Variants in UBP1 observed in about 807,000 individuals in gnomAD.
UBP1 encodes upstream binding protein 1.
Under a neutral mutation model 76.1 loss-of-function variants are expected in UBP1, and 22 were observed. The observed-to-expected ratio is 0.29, with a 90% CI of 0.21 to 0.41. The LOEUF (loss-of-function observed/expected upper bound fraction) is 0.41, where lower values mean the gene tolerates loss of function less well. Among genes scored for constraint, UBP1 ranks in the 10% least tolerant of loss-of-function variants. UBP1 has a pLI of 1.00. For synonymous variants in UBP1, 224 were observed against 237.1 expected, an observed-to-expected ratio of 0.94 and a Z score of 0.51; for missense variants, 436 against 668.1, an observed-to-expected ratio of 0.65 and a Z score of 3.83.
At position 33,400,214 on chromosome 3, in the gene UBP1, G is replaced by A. The variant is rs767570798; in HGVS notation, c.1155C>T (p.Tyr385=). The change falls in exon 11 of 16, where the codon TAC becomes TAT. Residue 385 remains tyrosine (Y), a synonymous_variant. Transcript: ENST00000283629. ...QWLLKNRFSS[Y]TRLFSNFSGA... ...CTGAAAAATTAGAGAACAGTCTTGT[G>A]TAGGAAGAGAATCTGTTTTTGAGCA... The A allele has an allele frequency of 1.2e-6, 2 of 1,602,376 alleles. No homozygotes were observed. Among genetic ancestry groups the A allele is most frequent in the Admixed American group, 1.8e-5 (1 of 57,124 alleles).
intron 2 of UBP1, among the ~76,000 whole-genome samples, chr3:33,422,865 T>C (rs2044935333): frequency 6.6e-6 from 1 of 152,094 alleles, no homozygotes; most frequent in South Asian, 2.1e-4. Flanking sequence ...TAAGGATTCA[T>C]GGAAAATTTT....
intron 14 of UBP1, chr3:33,392,914 C>G (rs927332407): frequency 2.3e-5 from 8 of 355,362 alleles, no homozygotes; most frequent in African/African-American, 1.1e-4. Flanking sequence ...AAGTGCTCTT[C>G]TATTATTACT....
intron 9 of UBP1, 77 bp downstream of exon 9, chr3:33,402,724 T>C (rs1259191909): frequency 1.9e-6 from 2 of 1,054,024 alleles, no homozygotes; most frequent in Non-Finnish European, 2.6e-6. Context: ...AAAAGGCTGC[T>C]GTACATGGAG....
chr3:33,408,901 T>C, intron 7 of UBP1, 104 bp from the exon 8 acceptor site: 1 of 1,076,472 alleles, frequency 9.3e-7, no homozygotes, highest in South Asian at 1.4e-5. Context: ...AATGCATGAC[T>C]AACAGGATTC....
rs1386286447 is a variant in UBP1, at chr3:33,401,074, T to C, written c.1032-58A>G. The C allele has an allele frequency of 4.0e-6, 6 of 1,482,520 alleles. No homozygotes were observed. The Admixed American group carries it at 1.4e-4, about 34-fold the overall frequency. The allele number at this position is 1,482,520 out of a possible 1,614,324, so 91.8% of individuals were successfully genotyped here. A position where few individuals can be genotyped will look rare whatever the true frequency, so the allele number is the denominator to read the frequency against. On this transcript the variant is annotated intron_variant, in intron 9 of 15. Coordinates refer to ENST00000283629, the MANE Select transcript of UBP1 (RefSeq NM_014517.5). Reference sequence around the variant, plus strand: ...TTTTTATAATACATATATGTTTTAATCAAGGCATTAAAAGCTGTTGCATTG... The same window carrying C: ...TTTTTATAATACATATATGTTTTAACCAAGGCATTAAAAGCTGTTGCATTG...
Position 33,390,383 on chromosome 3 carries a change from A to G in UBP1, c.1586-15T>C, listed in dbSNP as rs370903407. 1.1e-5 allele frequency: 18 copies of G among 1,613,712 alleles called. No homozygotes were observed. The African/African-American group carries it at 2.0e-4, about 18-fold the overall frequency. On this transcript the variant is annotated splice_polypyrimidine_tract_variant and intron_variant, in intron 15 of 15. Transcript: ENST00000283629. ...ACTACTTTCAGCTGCAGAAAAAGGA[A>G]AGACAGTATTTCTTCAGTCAGGCTT...
Position 33,389,204 on chromosome 3 carries a change from T to C in UBP1, c.*1127A>G, listed in dbSNP as rs1170796891. On this transcript the variant is annotated 3_prime_UTR_variant, in exon 16 of 16. Coordinates refer to ENST00000283629, the MANE Select transcript of UBP1 (RefSeq NM_014517.5). ...TAGAGAAAGAAGCTAGTATGTGGTG[T>C]ATAAAAAGCCCCTAAATCATCACCA... 6.6e-6 allele frequency: 1 copy of C among 152,666 alleles called. No individual in the cohort carries two copies. The highest frequency in any genetic ancestry group is 2.4e-5 in the African/African-American group (1 of 41,456). The allele number at this position is 152,666 out of a possible 1,614,324, so 9.5% of individuals were successfully genotyped here. A position where few individuals can be genotyped will look rare whatever the true frequency, so the allele number is the denominator to read the frequency against.
At chr3:33,394,988 T>C (rs1033673552) in intron 13 of UBP1, among the ~76,000 whole-genome samples, 4 of 152,150 alleles carry the variant, frequency 2.6e-5, no homozygotes, top group Non-Finnish European at 4.4e-5. Context: ...CAGAAAAAGT[T>C]TGCTGATTAT....
intron 8 of UBP1, among the ~76,000 whole-genome samples, chr3:33,405,018 A>T (rs1161241501): frequency 6.6e-6 from 1 of 152,190 alleles, no homozygotes; most frequent in Admixed American, 6.5e-5. Flanking sequence ...ATTGGTACTA[A>T]TAAGTTTTAA....
At chr3:33,396,086 C>T in intron 13 of UBP1, 76 bp downstream of exon 13, 2 of 1,334,134 alleles carry the variant, frequency 1.5e-6, no homozygotes, top group Non-Finnish European at 2.1e-6. Context: ...TTCTCCAAAG[C>T]CTGCTCAATC....
intron 2 of UBP1, among the ~76,000 whole-genome samples, chr3:33,418,702 T>A (rs1465586392): frequency 1.3e-5 from 2 of 151,358 alleles, no homozygotes; most frequent in Non-Finnish European, 2.9e-5. Context: ...CTACTAAAAA[T>A]ACAAAAATTA....
At chr3:33,396,877 C>T (rs1358902587) in intron 12 of UBP1, 168 bp downstream of exon 12, 1 of 712,010 alleles carries the variant, frequency 1.4e-6, no homozygotes, top group Non-Finnish European at 2.5e-6. Flanking sequence ...TCTGGGCCTG[C>T]CCTGAAGGTG....
chr3:33,420,268 G>A (rs956557723), intron 2 of UBP1, among the ~76,000 whole-genome samples: 5 of 152,142 alleles, frequency 3.3e-5, no homozygotes, highest in Admixed American at 6.5e-5. Context: ...AATATTTAAC[G>A]GAATTCTTAA....
rs1268533942 is a variant in UBP1 at position 33,402,757 on chromosome 3, G to A, written c.1031+44C>T. 3 of 1,366,736 alleles carry A rather than the reference G, an allele frequency of 2.2e-6. No individual in the cohort carries two copies. The Admixed American group carries it at 8.8e-5, about 40-fold the overall frequency. 84.7% of individuals were successfully genotyped at this position (1,366,736 alleles called of 1,614,324 possible). ...GAGAGATGGGGAAATGAAGGCACAT[G>A]AGCATTAGTTAGCTGCAGGCACACG... On this transcript the variant is annotated intron_variant, in intron 9 of 15. Coordinates refer to ENST00000283629, the MANE Select transcript of UBP1 (RefSeq NM_014517.5).
chr3:33,425,801 A>G lies in UBP1; in HGVS notation c.114-60T>C, dbSNP rs1220146588. ...GGGTTTGAAATATTTGTCTACAGCC[A>G]TATCATCCTGAATGCACCCAATCTT... On this transcript the variant is annotated intron_variant, in intron 1 of 15. Transcript: ENST00000283629. 40 of 1,486,712 alleles carry G rather than the reference A, an allele frequency of 2.7e-5. 2 individuals carry two copies. The highest frequency in any genetic ancestry group is 9.3e-5 in the South Asian group (7 of 75,228). 92.1% of individuals were successfully genotyped at this position (1,486,712 alleles called of 1,614,324 possible). A position where few individuals can be genotyped will look rare whatever the true frequency, so the allele number is the denominator to read the frequency against.
At chr3:33,422,078 G>T (rs1441436324) in intron 2 of UBP1, among the ~76,000 whole-genome samples, 2 of 152,060 alleles carry the variant, frequency 1.3e-5, no homozygotes, top group Non-Finnish European at 2.9e-5. Context: ...AAAAGAAAAA[G>T]AAAAGCAAGT....
At chr3:33,439,572 C>T (rs116833894) in intron 1 of UBP1, among the ~76,000 whole-genome samples, 164 bp downstream of exon 1, 1 of 152,202 alleles carries the variant, frequency 6.6e-6, no homozygotes, top group African/African-American at 2.4e-5. Context: ...CGAGCAGAGG[C>T]CTTTGGGGTT....
chr3:33,418,191 T>C (rs57939880), intron 2 of UBP1, among the ~76,000 whole-genome samples: 27,582 of 152,118 alleles, frequency 0.18, 3,177 homozygotes, highest in East Asian at 0.47. Flanking sequence ...CACAAGAATT[T>C]AGGAAATAAA....
Position 33,419,936 on chromosome 3 carries a change from T to C in UBP1, c.266-3102A>G, listed in dbSNP as rs1272071588. Among the ~76,000 whole-genome samples the C allele has an allele frequency of 2.0e-5, 3 of 152,218 alleles. No individual in the cohort carries two copies. In the South Asian group the frequency reaches 6.2e-4, roughly 32 times the overall value. On this transcript the variant is annotated intron_variant, in intron 2 of 15. Coordinates refer to ENST00000283629, the MANE Select transcript of UBP1 (RefSeq NM_014517.5). The stretch of plus-strand genomic sequence containing the variant: ...CCTATTTTTAGCTTTATTTTCTCAA[T>C]TTACTTTTCATGTTTTATTTTTTGT...
Sources: allele counts gnomAD v4.1 joint callset (sites outside exome capture counted in the v4.1 genomes callset), GRCh38; gene constraint gnomAD v4.1.1; transcripts MANE v1.5; gene names NCBI Gene and HGNC (gene_info 2026-07-23, HGNC 2026-07-21).